Variants in PCSK2 observed in about 807,000 individuals in gnomAD.
PCSK2 encodes the protein neuroendocrine convertase 2.
In PCSK2, 14 loss-of-function variants were observed where a neutral mutation model predicts 69.7. That is an observed-to-expected ratio of 0.20 (90% CI 0.13 to 0.31). PCSK2 has a LOEUF of 0.31. PCSK2 is among the 10% of genes least tolerant of loss of function. The pLI, the probability that PCSK2 is intolerant of heterozygous loss-of-function variation, is 1.00. For synonymous variants in PCSK2, 307 were observed against 320.7 expected (o/e 0.96, Z 0.46); for missense variants, 544 against 842.5 (o/e 0.65, Z 4.39).
At chr20:17,317,096 G>A (rs1452051673) in intron 2 of PCSK2, among the ~76,000 whole-genome samples, 1 of 152,040 alleles carries the variant, frequency 6.6e-6, no homozygotes, top group Non-Finnish European at 1.5e-5. Context: ...TTCTGACTCA[G>A]TCTTTTCTTC....
chr20:17,254,419 T>G (rs1205853644), intron 1 of PCSK2, among the ~76,000 whole-genome samples: 1 of 152,216 alleles, frequency 6.6e-6, no homozygotes, highest in African/African-American at 2.4e-5. Context: ...TGTGAATATC[T>G]AATTGTCCAA....
At chr20:17,441,778 CAT>C (rs558490050) in intron 8 of PCSK2, among the ~76,000 whole-genome samples, 41 of 152,212 alleles carry the variant, frequency 2.7e-4, no homozygotes, top group Non-Finnish European at 5.0e-4. Context: ...CTTCCCACAA[CAT>C]GTGGAAATTC....
chr20:17,239,858 T>TTC (rs1986496128), intron 1 of PCSK2, among the ~76,000 whole-genome samples: 1 of 133,106 alleles, frequency 7.5e-6, no homozygotes, highest in Non-Finnish European at 1.6e-5. Context: ...TTTTTTTTTT[T>TTC]TTTTTTTTTT....
In PCSK2 at chr20:17,482,170, A is replaced by G. The variant is rs1338037534; in HGVS notation, c.*100A>G. 9.2e-7 allele frequency: 1 copy of G among 1,081,620 alleles called. No individual in the cohort carries two copies. Among genetic ancestry groups the G allele is most frequent in the East Asian group, 2.6e-5 (1 of 39,046 alleles). The allele number at this position is 1,081,620 out of a possible 1,614,324, so 67.0% of individuals were successfully genotyped here. On this transcript the variant is annotated 3_prime_UTR_variant, in exon 12 of 12. Transcript: ENST00000262545. ...CACCTAGCAATTCCATCACCCGTAC[A>G]GGCAATTCCGTCTTCTTAATCTGAA...
intron 2 of PCSK2, among the ~76,000 whole-genome samples, chr20:17,307,409 T>A (rs1989359067): frequency 1.3e-5 from 2 of 152,128 alleles, no homozygotes; most frequent in African/African-American, 4.8e-5. Flanking sequence ...AATAACACGG[T>A]CATAAGAATG....
intron 2 of PCSK2, among the ~76,000 whole-genome samples, chr20:17,354,248 A>G (rs1257296466): frequency 6.6e-6 from 1 of 152,204 alleles, no homozygotes; most frequent in Admixed American, 6.5e-5. Flanking sequence ...ATTTGTACAA[A>G]CGTGTAAGCC....
chr20:17,383,013 G>A (rs1045750221), intron 5 of PCSK2, among the ~76,000 whole-genome samples: 1 of 152,120 alleles, frequency 6.6e-6, no homozygotes, highest in African/African-American at 2.4e-5. Flanking sequence ...TTTGTTGCAT[G>A]TGTTCCCCCA....
intron 2 of PCSK2, among the ~76,000 whole-genome samples, chr20:17,317,777 G>C (rs557603990): frequency 6.6e-6 from 1 of 152,122 alleles, no homozygotes; most frequent in South Asian, 2.1e-4. Flanking sequence ...CATGGGAAGA[G>C]TTTCTTTTTT....
rs75719373 is a variant in PCSK2, at chr20:17,392,515, C to T, written c.544-16748C>T. On this transcript the variant is annotated intron_variant, in intron 5 of 11. Transcript: ENST00000262545. ...AATGTATTCCTTTTGGTGCACTGTTCCATGAGTTTTGACAAAAGTTCATAC... is the reference window on the plus strand; with the variant it reads ...AATGTATTCCTTTTGGTGCACTGTTTCATGAGTTTTGACAAAAGTTCATAC... 1.8e-4 allele frequency among the ~76,000 whole-genome samples: 28 copies of T among 152,292 alleles called. No individual in the cohort carries two copies. The East Asian group carries it at 5.2e-3, about 28-fold the overall frequency.
Position 17,465,395 on chromosome 20 carries a change from C to G in PCSK2, c.1272C>G (p.Asp424Glu). ...VLTSKRNQLH[D>E]EVHQWRRNGV... ...CCTCCAAACGGAACCAGCTTCACGACGAGGTCCATCAGTGGCGGCGCAATG... is the reference window on the plus strand; with the variant it reads ...CCTCCAAACGGAACCAGCTTCACGAGGAGGTCCATCAGTGGCGGCGCAATG... Residue 424 changes from aspartate (D) to glutamate (E), a missense_variant, in exon 11 of 12, where the codon GAC becomes GAG. Physicochemically the swap from Asp to Glu is conservative, Grantham distance 45. Coordinates refer to ENST00000262545, the MANE Select transcript of PCSK2 (RefSeq NM_002594.5). 1.2e-6 allele frequency: 2 copies of G among 1,614,160 alleles called. No individual in the cohort carries two copies. The highest frequency in any genetic ancestry group is 1.7e-6 in the Non-Finnish European group (2 of 1,180,028).
At chr20:17,409,180 A>T in intron 5 of PCSK2, 83 bp from the exon 6 acceptor site, 1 of 1,005,730 alleles carries the variant, frequency 9.9e-7, no homozygotes, top group Non-Finnish European at 1.6e-6. Flanking sequence ...AGGGAGGACT[A>T]GAAATGTTTA....
intron 2 of PCSK2, among the ~76,000 whole-genome samples, chr20:17,329,554 C>T (rs539916358): frequency 2.6e-5 from 4 of 152,266 alleles, no homozygotes; most frequent in South Asian, 2.1e-4. Flanking sequence ...ACTTATTACA[C>T]GTATTGAAGT....
At position 17,360,657 on chromosome 20, in the gene PCSK2, C is replaced by T. The variant is rs1425323907; in HGVS notation, c.505+17C>T. ...TGGATGATGGTGAGTATTTTGAAGC[C>T]TGTGCCTCATTTGGAAATAAGCGTG... is the stretch of plus-strand genomic sequence containing the variant. On this transcript the variant is annotated intron_variant, in intron 4 of 11. Transcript: ENST00000262545. The T allele has an allele frequency of 6.9e-7, 1 of 1,444,612 alleles. No homozygotes were observed. The highest frequency in any genetic ancestry group is 9.7e-7 in the Non-Finnish European group (1 of 1,029,196). The allele number at this position is 1,444,612 out of a possible 1,614,324, so 89.5% of individuals were successfully genotyped here.
At chr20:17,406,632 G>A (rs886092682) in intron 5 of PCSK2, among the ~76,000 whole-genome samples, 3 of 152,124 alleles carry the variant, frequency 2.0e-5, no homozygotes, top group Admixed American at 6.5e-5. Context: ...TATTTTCCCA[G>A]AGTCAGGAGC....
At chr20:17,300,825 C>G (rs1424181039) in intron 2 of PCSK2, among the ~76,000 whole-genome samples, 1 of 152,262 alleles carries the variant, frequency 6.6e-6, no homozygotes, top group African/African-American at 2.4e-5. Flanking sequence ...GAGCAAGTTG[C>G]CTTCAGGCGA....
chr20:17,448,382 C>A (rs993875966), intron 8 of PCSK2, among the ~76,000 whole-genome samples: 8 of 152,192 alleles, frequency 5.3e-5, no homozygotes, highest in African/African-American at 1.9e-4. Context: ...CAGTCTCTAG[C>A]TGGAATGTCA....
rs1199904338 is a variant in PCSK2, at chr20:17,482,878, A to G, written c.*808A>G. The G allele has an allele frequency of 6.6e-6, 1 of 152,290 alleles. No homozygotes were observed. Among genetic ancestry groups the G allele is most frequent in the Non-Finnish European group, 1.5e-5 (1 of 68,042 alleles). The allele number at this position is 152,290 out of a possible 1,614,324, so 9.4% of individuals were successfully genotyped here. On this transcript the variant is annotated 3_prime_UTR_variant, in exon 12 of 12. Coordinates refer to ENST00000262545, the MANE Select transcript of PCSK2 (RefSeq NM_002594.5). ...CAGCCCCAATTTTCTGGGGCTCCTC[A>G]CATAGCTACCCAAAAGAGAAAAAAA...
intron 2 of PCSK2, among the ~76,000 whole-genome samples, chr20:17,271,663 C>A (rs931761205): frequency 6.6e-6 from 1 of 152,040 alleles, no homozygotes; most frequent in African/African-American, 2.4e-5. Context: ...AAGGAGGAAG[C>A]GGATTCTTAT....
chr20:17,346,513 G>C (rs1990657750), intron 2 of PCSK2, among the ~76,000 whole-genome samples: 1 of 152,186 alleles, frequency 6.6e-6, no homozygotes, highest in Non-Finnish European at 1.5e-5. Context: ...ACCTGGCCCA[G>C]GCAGGCTCTT....
Sources: allele counts gnomAD v4.1 joint callset (sites outside exome capture counted in the v4.1 genomes callset), GRCh38; gene constraint gnomAD v4.1.1; transcripts MANE v1.5; gene names NCBI Gene and HGNC (gene_info 2026-07-23, HGNC 2026-07-21).